The following XKR6 variants were observed in gnomAD, a reference collection of about 807,000 sequenced individuals.
The protein encoded by XKR6 is XK-related protein 6.
XKR6 carries 22 observed loss-of-function variants against 56.7 expected under a neutral mutation model. The observed-to-expected ratio is 0.39, with a 90% CI of 0.28 to 0.55. The LOEUF (loss-of-function observed/expected upper bound fraction) is 0.55. XKR6 is among the 20% of genes least tolerant of loss of function. XKR6 has a pLI of 0.66. For missense variants in XKR6, 852 were observed against 889.0 expected (o/e 0.96, Z 0.53); for synonymous variants, 524 against 387.8 (o/e 1.35, Z -4.13).
chr8:11,196,894 G>T (rs60518845), intron 1 of XKR6, among the ~76,000 whole-genome samples: 1 of 152,158 alleles, frequency 6.6e-6, no homozygotes, highest in Non-Finnish European at 1.5e-5. Flanking sequence ...TCCCTACATA[G>T]AGGAGCAGAC....
At chr8:10,912,917 AT>A (rs1800449881) in intron 2 of XKR6, among the ~76,000 whole-genome samples, 1 of 151,012 alleles carries the variant, frequency 6.6e-6, no homozygotes, top group Non-Finnish European at 1.5e-5. Flanking sequence ...GGGCGAGTAT[AT>A]CTATATGTAG....
intron 1 of XKR6, among the ~76,000 whole-genome samples, chr8:10,968,273 A>G (rs1405978328): frequency 6.6e-6 from 1 of 152,234 alleles, no homozygotes; most frequent in African/African-American, 2.4e-5. Context: ...TCTACCAAAG[A>G]GAAAAGTGCC....
At chr8:10,966,724 A>T (rs1392206076) in intron 1 of XKR6, among the ~76,000 whole-genome samples, 1 of 152,076 alleles carries the variant, frequency 6.6e-6, no homozygotes, top group Non-Finnish European at 1.5e-5. Flanking sequence ...AAGTTCTCAG[A>T]CCCTGCCCTC....
At chr8:11,194,961 A>G (rs1010245068) in intron 1 of XKR6, 1 of 539,568 alleles carries the variant, frequency 1.9e-6, no homozygotes, top group African/African-American at 1.9e-5. Context: ...CCTTCCCTTG[A>G]AAATTTACCA....
chr8:11,015,907 C>T (rs1798608612), intron 1 of XKR6, among the ~76,000 whole-genome samples: 1 of 146,538 alleles, frequency 6.8e-6, no homozygotes, highest in Non-Finnish European at 1.5e-5. Context: ...GGTGCCAGCT[C>T]AGACCCACGC....
At chr8:11,018,923 T>A (rs1364412175) in intron 1 of XKR6, among the ~76,000 whole-genome samples, 3 of 152,242 alleles carry the variant, frequency 2.0e-5, no homozygotes, top group South Asian at 4.1e-4. Context: ...AGGTGCTCTG[T>A]CTCTCCTGCC....
intron 1 of XKR6, among the ~76,000 whole-genome samples, chr8:11,182,248 G>C (rs532211386): frequency 2.0e-5 from 3 of 152,310 alleles, no homozygotes; most frequent in South Asian, 4.1e-4. Flanking sequence ...ATGACCACAG[G>C]TGACGTCGTA....
chr8:11,102,087 G>A (rs951731457), intron 1 of XKR6, among the ~76,000 whole-genome samples: 4 of 152,152 alleles, frequency 2.6e-5, no homozygotes, highest in African/African-American at 9.7e-5. Flanking sequence ...AGCAGTCACT[G>A]GCTGAAAAAT....
chr8:11,134,622 T>C (rs1800288051), intron 1 of XKR6, among the ~76,000 whole-genome samples: 1 of 152,074 alleles, frequency 6.6e-6, no homozygotes. Flanking sequence ...GGAAAAGAGA[T>C]TGGATGGTTC....
intron 1 of XKR6, among the ~76,000 whole-genome samples, chr8:10,998,376 G>A (rs1240243855): frequency 6.6e-6 from 1 of 152,072 alleles, no homozygotes; most frequent in Non-Finnish European, 1.5e-5. Context: ...TGGTACTAGT[G>A]ACCTGCAAGC....
At chr8:11,136,548 A>G (rs1282199557) in intron 1 of XKR6, among the ~76,000 whole-genome samples, 1 of 151,174 alleles carries the variant, frequency 6.6e-6, no homozygotes, top group Non-Finnish European at 1.5e-5. Flanking sequence ...CCTAACCCCC[A>G]TTGTGATGGT....
At chr8:11,155,546 C>A (rs548460846) in intron 1 of XKR6, among the ~76,000 whole-genome samples, 1 of 152,332 alleles carries the variant, frequency 6.6e-6, no homozygotes, top group South Asian at 2.1e-4. Flanking sequence ...TATATGCACA[C>A]AAATATAGCT....
intron 1 of XKR6, among the ~76,000 whole-genome samples, chr8:10,984,732 C>CTCTCTCTATATA: frequency 3.5e-3 from 166 of 47,466 alleles, no homozygotes; most frequent in African/African-American, 6.5e-3. Context: ...CTCTCTCTCT[C>CTCTCTCTATATA]TATATATATA....
In XKR6 at chr8:11,042,760, G is replaced by A. The variant is rs573098866; in HGVS notation, c.765-117930C>T. ...TCAGATTTTGGAGCATTTGGATTTC[G>A]GATTTTCCCAGATCTGGGATGTGCT... On this transcript the variant is annotated intron_variant, in intron 1 of 2. Coordinates refer to ENST00000416569, the MANE Select transcript of XKR6 (RefSeq NM_173683.4). 2.0e-4 allele frequency among the ~76,000 whole-genome samples: 31 copies of A among 152,016 alleles called. No homozygotes were observed. In the East Asian group the frequency reaches 2.9e-3, roughly 14 times the overall value.
intron 1 of XKR6, chr8:11,123,994 T>C: frequency 2.2e-6 from 1 of 456,150 alleles, no homozygotes; most frequent in Non-Finnish European, 4.4e-6. Flanking sequence ...GAGCAGCCTC[T>C]CTAAAACAGT....
intron 1 of XKR6, among the ~76,000 whole-genome samples, chr8:11,000,577 C>T (rs1033543171): frequency 2.0e-5 from 3 of 152,060 alleles, no homozygotes; most frequent in South Asian, 2.1e-4. Context: ...CCCAGCTACT[C>T]GGGAGGCTGA....
At chr8:10,938,649 G>C (rs1801299839) in intron 1 of XKR6, among the ~76,000 whole-genome samples, 1 of 152,204 alleles carries the variant, frequency 6.6e-6, no homozygotes, top group Non-Finnish European at 1.5e-5. Flanking sequence ...TGCAAGGCCA[G>C]AGGGATGGAG....
At chr8:10,922,572 G>A (rs1286723932) in intron 2 of XKR6, among the ~76,000 whole-genome samples, 8 of 152,206 alleles carry the variant, frequency 5.3e-5, no homozygotes, top group Admixed American at 4.6e-4. Context: ...CTGGCACTGA[G>A]AACAAATGAT....
intron 1 of XKR6, among the ~76,000 whole-genome samples, chr8:11,005,206 G>C (rs978419687): frequency 6.6e-6 from 1 of 151,882 alleles, no homozygotes; most frequent in Non-Finnish European, 1.5e-5. Flanking sequence ...GCAGAATGAC[G>C]CAAGATTTCA....
Sources: allele counts gnomAD v4.1 joint callset (sites outside exome capture counted in the v4.1 genomes callset), GRCh38; gene constraint gnomAD v4.1.1; transcripts MANE v1.5; gene names NCBI Gene and HGNC (gene_info 2026-07-23, HGNC 2026-07-21).